WWOX: variants seen among roughly 807,000 people sequenced by gnomAD.
The protein encoded by WWOX is WW domain-containing oxidoreductase.
WWOX carries 69 observed loss-of-function variants against 46.2 expected under a neutral mutation model. The observed-to-expected ratio is 1.49, with a 90% CI of 1.23 to 1.82. WWOX has a LOEUF of 1.82. WWOX is among the 40% of genes most tolerant of loss of function. The pLI is 0.00. For missense variants in WWOX, 919 were observed against 542.6 expected (o/e 1.69, Z -6.89); for synonymous variants, 359 against 202.6 (o/e 1.77, Z -6.56).
At chr16:78,240,576 G>C (rs761644921) in intron 5 of WWOX, among the ~76,000 whole-genome samples, 2 of 152,120 alleles carry the variant, frequency 1.3e-5, no homozygotes, top group Non-Finnish European at 2.9e-5. Flanking sequence ...TGATACGCTA[G>C]GGCAGCCCTA....
chr16:78,663,824 C>T (rs144984482), intron 8 of WWOX, among the ~76,000 whole-genome samples: 4 of 152,148 alleles, frequency 2.6e-5, no homozygotes, highest in African/African-American at 7.2e-5. Flanking sequence ...ATCTCAAGCA[C>T]AGGTGCAGCA....
intron 8 of WWOX, among the ~76,000 whole-genome samples, chr16:78,709,092 C>T (rs1457583702): frequency 1.3e-5 from 2 of 152,070 alleles, no homozygotes; most frequent in Non-Finnish European, 2.9e-5. Flanking sequence ...GGTTTATCGC[C>T]CTGCGTGTCA....
chr16:78,488,830 G>A (rs1449547876), intron 8 of WWOX, among the ~76,000 whole-genome samples: 4 of 152,158 alleles, frequency 2.6e-5, no homozygotes, highest in South Asian at 2.1e-4. Context: ...TCAGTGGGAC[G>A]ATTGAGTCAA....
intron 5 of WWOX, among the ~76,000 whole-genome samples, chr16:78,170,335 A>G (rs1009093705): frequency 1.3e-5 from 2 of 152,230 alleles, no homozygotes; most frequent in African/African-American, 4.8e-5. Context: ...CTATTCAGAG[A>G]TACAGGTGGT....
At chr16:78,632,622 G>T (rs1026319811) in intron 8 of WWOX, among the ~76,000 whole-genome samples, 4 of 133,942 alleles carry the variant, frequency 3.0e-5, no homozygotes, top group African/African-American at 1.1e-4. Flanking sequence ...GCAATGGTGC[G>T]ATCTCAGCTC....
At chr16:78,249,483 C>T (rs1035064272) in intron 5 of WWOX, among the ~76,000 whole-genome samples, 4 of 152,200 alleles carry the variant, frequency 2.6e-5, no homozygotes, top group African/African-American at 9.7e-5. Flanking sequence ...ATCTAGAGTT[C>T]CCTTAATCCC....
At chr16:78,865,879 A>C (rs1416768066) in intron 8 of WWOX, among the ~76,000 whole-genome samples, 1 of 152,230 alleles carries the variant, frequency 6.6e-6, no homozygotes, top group Non-Finnish European at 1.5e-5. Flanking sequence ...CTCCGTCTCA[A>C]AAAATAAACA....
intron 8 of WWOX, among the ~76,000 whole-genome samples, chr16:78,746,570 C>T (rs1210351911): frequency 6.6e-6 from 1 of 151,646 alleles, no homozygotes; most frequent in Non-Finnish European, 1.5e-5. Flanking sequence ...CTTTCTTGCT[C>T]CTGGATTTTT....
At chr16:78,905,062 G>T (rs147119868) in intron 8 of WWOX, among the ~76,000 whole-genome samples, 88 of 152,180 alleles carry the variant, frequency 5.8e-4, no homozygotes, top group African/African-American at 2.0e-3. Flanking sequence ...CTAGAAATGT[G>T]AGTCTCTGAG....
At chr16:78,768,991 A>G (rs751697257) in intron 8 of WWOX, among the ~76,000 whole-genome samples, 9 of 152,124 alleles carry the variant, frequency 5.9e-5, no homozygotes, top group Admixed American at 3.3e-4. Flanking sequence ...GTGTGGTTCA[A>G]AGATGCTTTC....
At chr16:78,904,319 A>T (rs1049511910) in intron 8 of WWOX, among the ~76,000 whole-genome samples, 15 of 144,120 alleles carry the variant, frequency 1.0e-4, no homozygotes, top group Non-Finnish European at 2.2e-4. Flanking sequence ...GCTCACTGCA[A>T]CCTCTGCCTC....
At chr16:78,742,837 C>T (rs1003227711) in intron 8 of WWOX, among the ~76,000 whole-genome samples, 8 of 152,156 alleles carry the variant, frequency 5.3e-5, no homozygotes, top group African/African-American at 1.9e-4. Context: ...CAGTGAACAG[C>T]CATTGCGAGT....
intron 8 of WWOX, among the ~76,000 whole-genome samples, chr16:78,528,787 T>A: frequency 6.6e-6 from 1 of 152,196 alleles, no homozygotes; most frequent in East Asian, 1.9e-4. Flanking sequence ...TGTTTTTCAG[T>A]GGCTGGTTCT....
At position 78,432,523 on chromosome 16, in the gene WWOX, A is replaced by G; in HGVS notation, c.827A>G (p.Asp276Gly). The change falls in exon 8 of 9, where the codon GAC (aspartate) becomes GGC (glycine). Residue 276 changes from aspartate to glycine, a missense_variant. Coordinates refer to ENST00000566780, the MANE Select transcript of WWOX (RefSeq NM_016373.4). ...TDINDSLGKL[D>G]FSRLSPTKND... ...ATTAACGACTCCTTGGGAAAACTGG[A>G]CTTCAGTCGCCTCTCTCCAACAAAA... is the stretch of plus-strand genomic sequence containing the variant. The G allele has an allele frequency of 6.2e-7, 1 of 1,614,142 alleles. No homozygotes were observed. Among genetic ancestry groups the G allele is most frequent in the South Asian group, 1.1e-5 (1 of 91,072 alleles).
chr16:78,225,956 C>G (rs2037040209), intron 5 of WWOX, among the ~76,000 whole-genome samples: 1 of 152,218 alleles, frequency 6.6e-6, no homozygotes, highest in Admixed American at 6.5e-5. Context: ...AAAAATAGTT[C>G]TAGTACTAAT....
At chr16:78,440,262 C>T (rs1001359069) in intron 8 of WWOX, among the ~76,000 whole-genome samples, 3 of 152,268 alleles carry the variant, frequency 2.0e-5, no homozygotes, top group East Asian at 1.9e-4. Flanking sequence ...ATCTAGTCTT[C>T]CCCGGTCCCC....
At chr16:79,017,452 A>AAAAAAAAAAAAAAAAG (rs2047439723) in intron 8 of WWOX, 1 of 147,798 alleles carries the variant, frequency 6.8e-6, no homozygotes, top group African/African-American at 2.6e-5. Flanking sequence ...AAAAAAAAAA[A>AAAAAAAAAAAAAAAAG]AAAAAAAAAA....
At chr16:78,280,316 T>C (rs552486769) in intron 5 of WWOX, among the ~76,000 whole-genome samples, 7 of 152,244 alleles carry the variant, frequency 4.6e-5, no homozygotes, top group Non-Finnish European at 1.0e-4. Context: ...ATATTATATA[T>C]ATTTCACATG....
At chr16:78,610,920 G>A (rs1445544406) in intron 8 of WWOX, among the ~76,000 whole-genome samples, 1 of 151,990 alleles carries the variant, frequency 6.6e-6, no homozygotes, top group East Asian at 1.9e-4. Context: ...ATTAAGCACA[G>A]GACAGTGAGA....
Sources: gnomAD v4.1 joint callset for allele counts (sites outside exome capture counted in the v4.1 genomes callset) on GRCh38, gnomAD v4.1.1 for gene constraint, MANE v1.5 for transcripts, NCBI Gene and HGNC (gene_info 2026-07-23, HGNC 2026-07-21) for gene names.